The following CEP120 variants were observed in gnomAD, a reference collection of about 807,000 sequenced individuals.
CEP120 encodes centrosomal protein 120.
Under a neutral mutation model 126.5 loss-of-function variants are expected in CEP120, and 113 were observed. That is an observed-to-expected ratio of 0.89 (90% confidence interval 0.77 to 1.04). The LOEUF (loss-of-function observed/expected upper bound fraction) is 1.04. Among genes scored for constraint, CEP120 ranks in the 50% least tolerant of loss-of-function variants. The pLI is 0.00. For synonymous variants in CEP120, 400 were observed against 394.3 expected (o/e 1.01, Z -0.17); for missense variants, 1,230 against 1,155.7 (o/e 1.06, Z -0.93).
At chr5:123,360,024 G>A (rs957457803) in intron 18 of CEP120, among the ~76,000 whole-genome samples, 1 of 151,882 alleles carries the variant, frequency 6.6e-6, no homozygotes, top group Non-Finnish European at 1.5e-5. Flanking sequence ...GCCCTCCAGA[G>A]GGTTTTGATG....
At chr5:123,366,567 C>G (rs1470677291) in intron 17 of CEP120, among the ~76,000 whole-genome samples, 1 of 151,828 alleles carries the variant, frequency 6.6e-6, no homozygotes, top group Non-Finnish European at 1.5e-5. Flanking sequence ...CTGCTATTCC[C>G]AGATCAATTC....
rs781621962 is a variant in CEP120, at chr5:123,377,366, T to G, written c.2358+8A>C. 5.6e-6 allele frequency: 9 copies of G among 1,604,426 alleles called. No individual in the cohort carries two copies. Among genetic ancestry groups the G allele is most frequent in the East Asian group, 2.2e-5 (1 of 44,734 alleles). On this transcript the variant is annotated splice_region_variant and intron_variant, in intron 16 of 19. Transcript: ENST00000306467. ...AAGCATAAAAAGATGACAAGTACGTTATCCAACCTGTTGCTGAAGGCGGTG... is the reference window on the plus strand; with the variant it reads ...AAGCATAAAAAGATGACAAGTACGTGATCCAACCTGTTGCTGAAGGCGGTG...
chr5:123,371,510 T>G (rs116222426), intron 17 of CEP120, among the ~76,000 whole-genome samples: 1,734 of 152,060 alleles, frequency 0.011, 41 homozygotes, highest in African/African-American at 0.039. Context: ...CTGGGAATTA[T>G]GGGAGATACA....
At chr5:123,417,683 T>C (rs900518571) in intron 2 of CEP120, among the ~76,000 whole-genome samples, 4 of 151,828 alleles carry the variant, frequency 2.6e-5, no homozygotes, top group Non-Finnish European at 5.9e-5. Context: ...CATCAAGGTA[T>C]TTCTAGAATA....
intron 14 of CEP120, among the ~76,000 whole-genome samples, chr5:123,381,481 T>A (rs1771645738): frequency 6.6e-6 from 1 of 152,108 alleles, no homozygotes; most frequent in African/African-American, 2.4e-5. Flanking sequence ...TAATAGAATA[T>A]TTGAAGAAAG....
chr5:123,372,951 T>C (rs1770953039), intron 16 of CEP120, among the ~76,000 whole-genome samples, 179 bp from the exon 17 acceptor site: 2 of 151,994 alleles, frequency 1.3e-5, no homozygotes, highest in African/African-American at 4.8e-5. Flanking sequence ...ATTCAGTAAA[T>C]CAACTGATTC....
At chr5:123,368,076 C>T (rs1472026744) in intron 17 of CEP120, among the ~76,000 whole-genome samples, 1 of 151,890 alleles carries the variant, frequency 6.6e-6, no homozygotes, top group Non-Finnish European at 1.5e-5. Flanking sequence ...ATGTACTTTT[C>T]TCTCTCAAGG....
At chr5:123,407,181 A>G (rs1773749283) in intron 4 of CEP120, among the ~76,000 whole-genome samples, 1 of 151,916 alleles carries the variant, frequency 6.6e-6, no homozygotes, top group Non-Finnish European at 1.5e-5. Flanking sequence ...CAAATGTGGG[A>G]AAAGAGTTAC....
intron 1 of CEP120, among the ~76,000 whole-genome samples, chr5:123,419,561 A>C (rs539098653): frequency 6.6e-6 from 1 of 151,842 alleles, no homozygotes; most frequent in African/African-American, 2.4e-5. Flanking sequence ...AACAAAAAAA[A>C]AAAAACAGAA....
chr5:123,401,636 T>G, intron 4 of CEP120: 1 of 1,435,940 alleles, frequency 7.0e-7, no homozygotes, highest in Non-Finnish European at 9.8e-7. Flanking sequence ...GATCCAGGAC[T>G]GCAGCTCCCG....
chr5:123,361,779 AG>A (rs1326884829), intron 18 of CEP120, among the ~76,000 whole-genome samples: 1 of 151,772 alleles, frequency 6.6e-6, no homozygotes, highest in Non-Finnish European at 1.5e-5. Context: ...ATCTCTTTTT[AG>A]CAAGTTACTT....
intron 4 of CEP120, among the ~76,000 whole-genome samples, chr5:123,410,482 T>G (rs1014712008): frequency 6.6e-6 from 1 of 152,152 alleles, no homozygotes; most frequent in Non-Finnish European, 1.5e-5. Context: ...GACAAACAAA[T>G]AGACAAATAG....
Position 123,355,248 on chromosome 5 carries a change from G to A in CEP120, c.2581-5159C>T, listed in dbSNP as rs573165531. Reference sequence around the variant, plus strand: ...GTGAATAGTGCCACAAGAAACATACGTGTGCATATGTCTTTATAGCAGCAT... The same window carrying A: ...GTGAATAGTGCCACAAGAAACATACATGTGCATATGTCTTTATAGCAGCAT... On this transcript the variant is annotated intron_variant, in intron 18 of 19. Transcript: ENST00000306467. Among the ~76,000 whole-genome samples, 13 of 152,230 alleles carry A rather than the reference G, an allele frequency of 8.5e-5. No individual in the cohort carries two copies. The South Asian group carries it at 1.4e-3, about 17-fold the overall frequency.
intron 5 of CEP120, among the ~76,000 whole-genome samples, chr5:123,395,639 C>T (rs970989575): frequency 6.6e-6 from 1 of 151,226 alleles, no homozygotes; most frequent in African/African-American, 2.4e-5. Context: ...TAGCATGTTT[C>T]CACCATTCCT....
chr5:123,351,232 AC>A (rs1471655887), intron 18 of CEP120, among the ~76,000 whole-genome samples: 1 of 152,064 alleles, frequency 6.6e-6, no homozygotes, highest in Non-Finnish European at 1.5e-5. Flanking sequence ...AATAACTACT[AC>A]CCTAATTTTA....
intron 15 of CEP120, among the ~76,000 whole-genome samples, chr5:123,378,079 ACT>A (rs1226626865): frequency 1.3e-5 from 2 of 152,016 alleles, no homozygotes; most frequent in African/African-American, 4.8e-5. Context: ...TCATATATAG[ACT>A]CTGTGAAATA....
chr5:123,358,089 A>G (rs1769776059), intron 18 of CEP120, among the ~76,000 whole-genome samples: 1 of 152,136 alleles, frequency 6.6e-6, no homozygotes, highest in South Asian at 2.1e-4. Flanking sequence ...ATCCTGGATA[A>G]AATTGTGCAA....
chr5:123,411,501 A>G (rs1200694500), intron 4 of CEP120, among the ~76,000 whole-genome samples: 3 of 152,234 alleles, frequency 2.0e-5, no homozygotes, highest in African/African-American at 4.8e-5. Flanking sequence ...ATTGACTATA[A>G]GCACTCAAAA....
chr5:123,388,714 G>C (rs1772186490), intron 8 of CEP120, 108 bp from the exon 9 acceptor site: 1 of 847,094 alleles, frequency 1.2e-6, no homozygotes, highest in Admixed American at 3.4e-5. Flanking sequence ...AGCAGGAATT[G>C]GGCTATTTTG....
Sources: gnomAD v4.1 joint callset for allele counts (sites outside exome capture counted in the v4.1 genomes callset) on GRCh38, gnomAD v4.1.1 for gene constraint, MANE v1.5 for transcripts, NCBI Gene and HGNC (gene_info 2026-07-23, HGNC 2026-07-21) for gene names.